The following PI4KA variants were observed in gnomAD, a reference collection of about 807,000 sequenced individuals.
PI4KA encodes the protein phosphatidylinositol 4-kinase alpha.
In PI4KA, 122 loss-of-function variants were observed where a neutral mutation model predicts 271.4. The observed-to-expected ratio is 0.45, with a 90% CI of 0.39 to 0.52. PI4KA has a LOEUF of 0.52. Ranked by LOEUF, PI4KA falls within the 20% of genes least tolerant of loss-of-function variation. PI4KA has a pLI of 0.00. For synonymous variants in PI4KA, 1,041 were observed against 1,078.8 expected, an observed-to-expected ratio of 0.96 and a Z score of 0.69; for missense variants, 1,969 against 2,769.1, an observed-to-expected ratio of 0.71 and a Z score of 6.48.
chr22:20,851,417 C>G (rs1926965796), intron 1 of PI4KA, among the ~76,000 whole-genome samples: 1 of 152,072 alleles, frequency 6.6e-6, no homozygotes, highest in African/African-American at 2.4e-5. Flanking sequence ...TCTCAGCTCA[C>G]CACACCACCT....
intron 1 of PI4KA, among the ~76,000 whole-genome samples, chr22:20,851,483 G>A (rs185451370): frequency 2.8e-4 from 43 of 152,082 alleles, no homozygotes; most frequent in African/African-American, 8.4e-4. Flanking sequence ...GCTTACAGGC[G>A]CACACCACCA....
chr22:20,778,075 T>C (rs992763611), intron 19 of PI4KA, among the ~76,000 whole-genome samples: 9 of 152,164 alleles, frequency 5.9e-5, no homozygotes, highest in Non-Finnish European at 1.3e-4. Context: ...GTGGGAGCTA[T>C]TGTCTAAGAG....
intron 52 of PI4KA, 189 bp from the exon 53 acceptor site, chr22:20,710,186 C>G: frequency 1.5e-6 from 1 of 647,558 alleles, no homozygotes; most frequent in Non-Finnish European, 2.9e-6. Flanking sequence ...ACCGCCCAGG[C>G]AAGGGCTGCC....
chr22:20,801,549 C>T (rs1263617683), intron 14 of PI4KA, among the ~76,000 whole-genome samples: 1 of 150,432 alleles, frequency 6.6e-6, no homozygotes, highest in African/African-American at 2.5e-5. Flanking sequence ...TGCGCCATTG[C>T]ACTCCCGCCC....
chr22:20,765,271 T>C, intron 20 of PI4KA, 35 bp from the exon 21 acceptor site: 1 of 1,572,562 alleles, frequency 6.4e-7, no homozygotes, highest in Non-Finnish European at 8.7e-7. Flanking sequence ...GGAAATCACC[T>C]TGGTCGGAAA....
intron 3 of PI4KA, among the ~76,000 whole-genome samples, chr22:20,826,051 C>T (rs191082163): frequency 4.3e-4 from 65 of 152,206 alleles, no homozygotes; most frequent in Middle Eastern, 3.4e-3. Flanking sequence ...CTACAAAAGA[C>T]GTGATCTTGG....
Position 20,804,384 on chromosome 22 carries a change from G to A in PI4KA, c.1377C>T (p.Cys459=), listed in dbSNP as rs765108493. Residue 459 remains cysteine, a synonymous_variant, in exon 12 of 55, where the codon TGC becomes TGT. Transcript: ENST00000255882. The part of the protein sequence containing the change: ...VKDEQGAENL[C]IKLSEKLQSK... ...ACTGCAGCTTCTCAGATAGCTTGAT[G>A]CAAAGGTTTTCTGCACCTTAATTCA... 6.2e-7 allele frequency: 1 copy of A among 1,613,552 alleles called. No individual in the cohort carries two copies. The highest frequency in any genetic ancestry group is 1.7e-5 in the Admixed American group (1 of 60,016).
intron 19 of PI4KA, chr22:20,780,305 G>C: frequency 6.5e-7 from 1 of 1,547,414 alleles, no homozygotes. Flanking sequence ...AATTTATCCA[G>C]GAAAACTAGA....
At chr22:20,711,911 A>AT (rs1219966887) in intron 50 of PI4KA, among the ~76,000 whole-genome samples, 1 of 149,254 alleles carries the variant, frequency 6.7e-6, no homozygotes, top group Non-Finnish European at 1.5e-5. Flanking sequence ...TGCCCAGTTA[A>AT]TTTTTTTACT....
At chr22:20,716,056 GTTTTTT>G (rs112549796) in intron 45 of PI4KA, among the ~76,000 whole-genome samples, 6 of 145,608 alleles carry the variant, frequency 4.1e-5, no homozygotes, top group Non-Finnish European at 7.6e-5. Context: ...TGCCTGGTTA[GTTTTTT>G]TTTTTTGAGA....
At chr22:20,732,146 C>T (rs971136726) in intron 36 of PI4KA, among the ~76,000 whole-genome samples, 5 of 151,638 alleles carry the variant, frequency 3.3e-5, no homozygotes, top group African/African-American at 1.2e-4. Context: ...TGCACTCCAG[C>T]CTGGGCGACA....
At chr22:20,749,029 G>A (rs184947670) in intron 28 of PI4KA, among the ~76,000 whole-genome samples, 13 of 152,326 alleles carry the variant, frequency 8.5e-5, no homozygotes, top group Admixed American at 5.2e-4. Context: ...AGCTCTATCA[G>A]CTGCTTTTTT....
rs538678100 is a variant in PI4KA at position 20,788,921 on chromosome 22, A to ATG, written c.2328+4270_2328+4271dup. On this transcript the variant is annotated intron_variant, in intron 19 of 54. Coordinates refer to ENST00000255882, the MANE Select transcript of PI4KA (RefSeq NM_058004.4). ...CAAAAAACCCTTTTAGTCCTTTGCCATGTCTGTCCCATACCCAGAAAGGCA... is the reference window on the plus strand; with the variant it reads ...CAAAAAACCCTTTTAGTCCTTTGCCATGTGTCTGTCCCATACCCAGAAAGGCA... Among the ~76,000 whole-genome samples, 5 of 152,204 alleles carry ATG rather than the reference A, an allele frequency of 3.3e-5. No individual in the cohort carries two copies. In the East Asian group the frequency reaches 9.7e-4, roughly 29 times the overall value.
At chr22:20,839,752 C>A (rs1925320929) in intron 1 of PI4KA, among the ~76,000 whole-genome samples, 2 of 152,114 alleles carry the variant, frequency 1.3e-5, no homozygotes, top group South Asian at 4.1e-4. Flanking sequence ...ATTGCTTGAA[C>A]CCGGAAGGCG....
At chr22:20,748,121 C>T (rs1432777884) in intron 28 of PI4KA, among the ~76,000 whole-genome samples, 1 of 152,358 alleles carries the variant, frequency 6.6e-6, no homozygotes, top group East Asian at 1.9e-4. Flanking sequence ...TGTCCTGGGT[C>T]TGCCCCTCCC....
At chr22:20,835,864 T>C (rs527910614) in intron 2 of PI4KA, among the ~76,000 whole-genome samples, 10 of 152,032 alleles carry the variant, frequency 6.6e-5, no homozygotes, top group South Asian at 4.2e-4. Flanking sequence ...CTGGCCAATA[T>C]GGTGAAACCC....
Position 20,756,301 on chromosome 22 carries a change from G to A in PI4KA, c.2792-3121C>T, listed in dbSNP as rs142526939. On this transcript the variant is annotated intron_variant, in intron 23 of 54. Coordinates refer to ENST00000255882, the MANE Select transcript of PI4KA (RefSeq NM_058004.4). ...ATCTCAGCTCACTGCAACCTCCGAC[G>A]GGTTGCATTCCCAGATTCAAGCAAT... is the stretch of plus-strand genomic sequence containing the variant. Among the ~76,000 whole-genome samples the A allele has an allele frequency of 7.0e-3, 1,056 of 150,062 alleles. 15 individuals carry two copies. Among genetic ancestry groups the A allele is most frequent in the African/African-American group, 0.025 (1,002 of 40,858 alleles).
intron 32 of PI4KA, among the ~76,000 whole-genome samples, chr22:20,738,855 C>T (rs1253912841): frequency 6.6e-6 from 1 of 151,952 alleles, no homozygotes; most frequent in African/African-American, 2.4e-5. Flanking sequence ...AGGAAGAACC[C>T]ATACTTCCTG....
At chr22:20,744,012 C>A (rs1929771662) in intron 30 of PI4KA, among the ~76,000 whole-genome samples, 1 of 152,140 alleles carries the variant, frequency 6.6e-6, no homozygotes, top group African/African-American at 2.4e-5. Flanking sequence ...CAAGATTGTG[C>A]CACTGCACTC....
Sources: gnomAD v4.1 joint callset for allele counts (sites outside exome capture counted in the v4.1 genomes callset) on GRCh38, gnomAD v4.1.1 for gene constraint, MANE v1.5 for transcripts, NCBI Gene and HGNC (gene_info 2026-07-23, HGNC 2026-07-21) for gene names.